Variants in PPP4R3B observed in about 807,000 individuals in gnomAD.
The protein encoded by PPP4R3B is serine/threonine-protein phosphatase 4 regulatory subunit 3B.
PPP4R3B carries 52 observed loss-of-function variants against 95.4 expected under a neutral mutation model. The observed-to-expected ratio is 0.54, with a 90% CI of 0.44 to 0.69. The LOEUF is 0.69. PPP4R3B is among the 30% of genes least tolerant of loss of function. The probability of loss-of-function intolerance (pLI) is 0.00; values close to 1 mark genes in which losing one functional copy is unlikely to be tolerated. For synonymous variants in PPP4R3B, 407 were observed against 343.9 expected (o/e 1.18, Z -2.03); for missense variants, 1,003 against 1,005.9 (o/e 1.00, Z 0.04).
chr2:55,604,795 GACACAC>G (rs3069140), intron 2 of PPP4R3B, among the ~76,000 whole-genome samples: 1 of 149,800 alleles, frequency 6.7e-6, no homozygotes, highest in African/African-American at 2.5e-5. Flanking sequence ...ATAAAACATA[GACACAC>G]ACACACACAC....
At chr2:55,582,381 G>A (rs948377248) in intron 7 of PPP4R3B, among the ~76,000 whole-genome samples, 1 of 152,114 alleles carries the variant, frequency 6.6e-6, no homozygotes, top group East Asian at 1.9e-4. Flanking sequence ...AGCCTCTTTA[G>A]TAGCTGGGAT....
chr2:55,565,279 A>G (rs1280041166), intron 13 of PPP4R3B, among the ~76,000 whole-genome samples: 1 of 150,148 alleles, frequency 6.7e-6, no homozygotes, highest in Non-Finnish European at 1.5e-5. Flanking sequence ...TTCGAAAAGT[A>G]AATAGATTTA....
At chr2:55,582,747 G>A (rs1169832931) in intron 7 of PPP4R3B, among the ~76,000 whole-genome samples, 2 of 151,878 alleles carry the variant, frequency 1.3e-5, no homozygotes, top group Non-Finnish European at 2.9e-5. Flanking sequence ...TAAAATATAA[G>A]GATTCTTTTA....
chr2:55,590,600 T>TA (rs558657706), intron 4 of PPP4R3B, among the ~76,000 whole-genome samples: 218 of 152,270 alleles, frequency 1.4e-3, no homozygotes, highest in African/African-American at 5.0e-3. Flanking sequence ...CAAAATCTGC[T>TA]AAAAAAACTG....
At chr2:55,591,456 T>C (rs1559017251) in intron 4 of PPP4R3B, 2 of 926,352 alleles carry the variant, frequency 2.2e-6, no homozygotes, top group Non-Finnish European at 2.6e-6. Flanking sequence ...TTTTTCCAAA[T>C]ACTTTTAGTC....
In PPP4R3B at chr2:55,557,827, T is replaced by C. The variant is rs138379645; in HGVS notation, c.2454+948A>G. On this transcript the variant is annotated intron_variant, in intron 16 of 16. Coordinates refer to ENST00000616407, the MANE Select transcript of PPP4R3B (RefSeq NM_001122964.3). ...TCCTTTTTGGGGAAAAAGGATGATT[T>C]CATATAACATATGAACAAGAAAAAT... Among the ~76,000 whole-genome samples the C allele has an allele frequency of 7.5e-3, 1,142 of 152,278 alleles. 5 individuals carry two copies. Among genetic ancestry groups the C allele is most frequent in the Non-Finnish European group, 0.013 (894 of 68,022 alleles).
At chr2:55,572,594 C>T (rs760951405) in intron 12 of PPP4R3B, among the ~76,000 whole-genome samples, 19 of 152,128 alleles carry the variant, frequency 1.2e-4, no homozygotes, top group Non-Finnish European at 2.6e-4. Context: ...TGTCAAAGTG[C>T]TTCAATTTTG....
intron 16 of PPP4R3B, among the ~76,000 whole-genome samples, chr2:55,553,181 A>C (rs529768055): frequency 6.6e-6 from 1 of 152,336 alleles, no homozygotes; most frequent in African/African-American, 2.4e-5. Context: ...TAGGCAAAGT[A>C]AAGGGCATGG....
At chr2:55,600,972 C>A (rs976394898) in intron 3 of PPP4R3B, among the ~76,000 whole-genome samples, 2 of 151,906 alleles carry the variant, frequency 1.3e-5, no homozygotes, top group African/African-American at 2.4e-5. Context: ...GCCTGTGCAA[C>A]CTTGTCACTA....
rs1021918283 is a variant in PPP4R3B at position 55,574,424 on chromosome 2, A to G, written c.1607-647T>C. ...TTTCTGTAATAAATGCTATATTATT[A>G]ATATTAATAAATCTATAAAAGGGCC... On this transcript the variant is annotated intron_variant, in intron 11 of 16. Transcript: ENST00000616407. Among the ~76,000 whole-genome samples the G allele has an allele frequency of 1.8e-4, 27 of 152,066 alleles. 1 individual carries two copies. Among genetic ancestry groups the G allele is most frequent in the African/African-American group, 5.3e-4 (22 of 41,488 alleles).
chr2:55,553,940 T>G (rs532340216), intron 16 of PPP4R3B, among the ~76,000 whole-genome samples: 2 of 151,084 alleles, frequency 1.3e-5, no homozygotes, highest in Non-Finnish European at 2.9e-5. Context: ...AGTGGACACA[T>G]GTTTTCAATT....
chr2:55,585,668 T>A (rs1690040385), intron 6 of PPP4R3B, among the ~76,000 whole-genome samples: 1 of 152,282 alleles, frequency 6.6e-6, no homozygotes, highest in East Asian at 1.9e-4. Context: ...TTTCTGCAAC[T>A]TAGTTTTCTA....
intron 13 of PPP4R3B, among the ~76,000 whole-genome samples, chr2:55,566,202 A>G (rs1482552774): frequency 6.6e-6 from 1 of 152,216 alleles, no homozygotes; most frequent in Non-Finnish European, 1.5e-5. Context: ...TAAGTCTTAA[A>G]ACTAGTTCTC....
At chr2:55,568,433 C>T in intron 12 of PPP4R3B, 70 bp from the exon 13 acceptor site, 2 of 1,282,052 alleles carry the variant, frequency 1.6e-6, no homozygotes, top group Non-Finnish European at 2.1e-6. Flanking sequence ...GGTGTTTTTC[C>T]ACCATAAAGC....
intron 10 of PPP4R3B, among the ~76,000 whole-genome samples, chr2:55,577,732 T>G (rs555966183): frequency 6.6e-6 from 1 of 152,210 alleles, no homozygotes; most frequent in South Asian, 2.1e-4. Flanking sequence ...CATTTGATTA[T>G]CCATTATACA....
chr2:55,615,789 G>A (rs1452838649), intron 1 of PPP4R3B, among the ~76,000 whole-genome samples: 1 of 143,268 alleles, frequency 7.0e-6, no homozygotes, highest in African/African-American at 2.7e-5. Context: ...GGGAGAGGAG[G>A]CAGAGGTTGC....
chr2:55,565,515 A>G (rs75991863), intron 13 of PPP4R3B, among the ~76,000 whole-genome samples: 104 of 152,272 alleles, frequency 6.8e-4, no homozygotes, highest in African/African-American at 2.2e-3. Flanking sequence ...TACATTTTCA[A>G]AATACTCACG....
chr2:55,552,090 T>C (rs2103753383), intron 16 of PPP4R3B, among the ~76,000 whole-genome samples: 1 of 152,292 alleles, frequency 6.6e-6, no homozygotes, highest in South Asian at 2.1e-4. Flanking sequence ...TCTGAAAAAC[T>C]CACTTATACA....
chr2:55,617,345 TCA>T lies in PPP4R3B; in HGVS notation c.-62_-61del, dbSNP rs1572774957. On this transcript the variant is annotated 5_prime_UTR_variant, in exon 1 of 17. Transcript: ENST00000616407. The stretch of plus-strand genomic sequence containing the variant: ...TCCTCGCTTACCTCGTCCGCGCTCC[TCA>T]CTCTTAGGAGACGGTAAAGGCAGTA... 11 of 1,507,684 alleles carry T rather than the reference TCA, an allele frequency of 7.3e-6. No individual in the cohort carries two copies. Among genetic ancestry groups the T allele is most frequent in the Admixed American group, 2.2e-5 (1 of 46,252 alleles). 93.4% of individuals were successfully genotyped at this position (1,507,684 alleles called of 1,614,324 possible).
Sources: gnomAD v4.1 joint callset for allele counts (sites outside exome capture counted in the v4.1 genomes callset) on GRCh38, gnomAD v4.1.1 for gene constraint, MANE v1.5 for transcripts, NCBI Gene and HGNC (gene_info 2026-07-23, HGNC 2026-07-21) for gene names.